CAMK2B: variants seen among roughly 807,000 people sequenced by gnomAD.
The protein encoded by CAMK2B is calcium/calmodulin dependent protein kinase II beta.
CAMK2B carries 27 observed loss-of-function variants against 93.7 expected under a neutral mutation model. The observed-to-expected ratio is 0.29, with a 90% CI of 0.21 to 0.40. The LOEUF (loss-of-function observed/expected upper bound fraction) is 0.40, where lower values mean the gene tolerates loss of function less well. Ranked by LOEUF, CAMK2B falls within the 10% of genes least tolerant of loss-of-function variation. The pLI is 1.00. For missense variants in CAMK2B, 568 were observed against 895.8 expected, an observed-to-expected ratio of 0.63 and a Z score of 4.67; for synonymous variants, 374 against 358.8, an observed-to-expected ratio of 1.04 and a Z score of -0.48.
chr7:44,275,041 T>C (rs910051852), intron 2 of CAMK2B, among the ~76,000 whole-genome samples: 4 of 152,118 alleles, frequency 2.6e-5, no homozygotes, highest in Admixed American at 6.5e-5. Context: ...CCGGGAGCCT[T>C]TTCTGCCACT....
rs143996067 is a variant in CAMK2B at position 44,289,419 on chromosome 7, C to T, written c.66-5194G>A. The stretch of plus-strand genomic sequence containing the variant: ...GACCACACAACAGCCCCTCTAGGGC[C>T]CTCTCATGCCTCACCTTCACTGGTG... On this transcript the variant is annotated intron_variant, in intron 1 of 23. Coordinates refer to ENST00000395749, the MANE Select transcript of CAMK2B (RefSeq NM_001220.5). Among the ~76,000 whole-genome samples the T allele has an allele frequency of 3.8e-4, 58 of 152,352 alleles. No homozygotes were observed. The East Asian group carries it at 9.8e-3, about 26-fold the overall frequency.
intron 2 of CAMK2B, among the ~76,000 whole-genome samples, chr7:44,272,306 T>C (rs1482190323): frequency 3.3e-5 from 5 of 151,922 alleles, no homozygotes; most frequent in Non-Finnish European, 5.9e-5. Context: ...CCAGAAAAGG[T>C]GAGGTGGTGT....
In CAMK2B at chr7:44,224,177, C is replaced by T. The variant is rs140158710; in HGVS notation, c.1597+2339G>A. Among the ~76,000 whole-genome samples, 304 of 152,282 alleles carry T rather than the reference C, an allele frequency of 2.0e-3. No homozygotes were observed. The highest frequency in any genetic ancestry group is 6.6e-3 in the African/African-American group (275 of 41,550). ...CGTGCTGAAGTACGGGAAGCAGGTCCGTTGTGAGACCCACCCACCCATTCC... is the reference window on the plus strand; with the variant it reads ...CGTGCTGAAGTACGGGAAGCAGGTCTGTTGTGAGACCCACCCACCCATTCC... On this transcript the variant is annotated intron_variant, in intron 20 of 23. Transcript: ENST00000395749. The surrounding 1 kb of genome is among the most constrained non-coding windows in gnomAD (Gnocchi z 4.4).
At chr7:44,220,930 T>G in intron 20 of CAMK2B, 29 bp from the exon 21 acceptor site, 1 of 1,543,590 alleles carries the variant, frequency 6.5e-7, no homozygotes, top group Non-Finnish European at 8.8e-7. Context: ...AGGTGACCAC[T>G]GGGCGCTGGC....
Position 44,312,197 on chromosome 7 carries a change from C to T in CAMK2B, c.65+13160G>A, listed in dbSNP as rs1482847055. ...CACTCCAGAGCCTCCATCCTTGGTG[C>T]CAGAAAGTGGAGGTGAGTGGAATTT... On this transcript the variant is annotated intron_variant, in intron 1 of 23. Transcript: ENST00000395749. The surrounding 1 kb of genome is among the most constrained non-coding windows in gnomAD (Gnocchi z 4.1). Among the ~76,000 whole-genome samples the T allele has an allele frequency of 1.3e-5, 2 of 152,162 alleles. No individual in the cohort carries two copies. Among genetic ancestry groups the T allele is most frequent in the African/African-American group, 4.8e-5 (2 of 41,426 alleles).
Position 44,315,329 on chromosome 7 carries a change from G to A in CAMK2B, c.65+10028C>T, listed in dbSNP as rs144254673. Among the ~76,000 whole-genome samples the A allele has an allele frequency of 5.9e-5, 9 of 152,212 alleles. No individual in the cohort carries two copies. The East Asian group carries it at 1.2e-3, about 20-fold the overall frequency. ...CAATTGTCCATTTGTTGAATGGACC[G>A]TTATTCTTCTCCACTGGAATTGTCT... On this transcript the variant is annotated intron_variant, in intron 1 of 23. Transcript: ENST00000395749.
intron 2 of CAMK2B, among the ~76,000 whole-genome samples, chr7:44,283,668 C>T (rs764533565): frequency 3.3e-5 from 5 of 152,226 alleles, no homozygotes; most frequent in Admixed American, 6.5e-5. Context: ...CAGCACTGCC[C>T]GGTCACCTGA....
intron 2 of CAMK2B, among the ~76,000 whole-genome samples, chr7:44,277,196 TAAC>T (rs1032328675): frequency 1.1e-4 from 16 of 152,180 alleles, no homozygotes; most frequent in East Asian, 5.8e-4. Context: ...AGGGGGTAGA[TAAC>T]AACAAGACAT....
At chr7:44,269,582 G>T (rs1162097191) in intron 2 of CAMK2B, among the ~76,000 whole-genome samples, 2 of 152,070 alleles carry the variant, frequency 1.3e-5, no homozygotes, top group African/African-American at 4.8e-5. Context: ...GAGGAACCAG[G>T]GATAAGGGGA....
intron 2 of CAMK2B, among the ~76,000 whole-genome samples, chr7:44,276,303 G>A (rs956216374): frequency 1.3e-5 from 2 of 152,142 alleles, no homozygotes; most frequent in African/African-American, 2.4e-5. Context: ...ACCCAGTTCC[G>A]CGGATTCTGC....
Position 44,288,721 on chromosome 7 carries a change from G to C in CAMK2B, c.66-4496C>G, listed in dbSNP as rs79601339. ...ATTTACAGTGGGATCAACAGTACCA[G>C]GGAAACCTGTCCTGAGAGAGAAGGG... On this transcript the variant is annotated intron_variant, in intron 1 of 23. Coordinates refer to ENST00000395749, the MANE Select transcript of CAMK2B (RefSeq NM_001220.5). 4.5e-3 allele frequency among the ~76,000 whole-genome samples: 689 copies of C among 152,296 alleles called. 1 individual carries two copies. Among genetic ancestry groups the C allele is most frequent in the Non-Finnish European group, 7.4e-3 (501 of 68,014 alleles).
rs891793098 is a variant in CAMK2B, at chr7:44,271,161, C to T, written c.161-8097G>A. 2.0e-5 allele frequency among the ~76,000 whole-genome samples: 3 copies of T among 152,140 alleles called. No individual in the cohort carries two copies. Among genetic ancestry groups the T allele is most frequent in the African/African-American group, 4.8e-5 (2 of 41,416 alleles). On this transcript the variant is annotated intron_variant, in intron 2 of 23. Coordinates refer to ENST00000395749, the MANE Select transcript of CAMK2B (RefSeq NM_001220.5). The surrounding 1 kb of genome is among the most constrained non-coding windows in gnomAD (Gnocchi z 4.2). Reference sequence around the variant, plus strand: ...CTTGAACTCCTGACCTCAGTTGATCCGCCCACCTCAGCCTCCCAAAGTGCT... The same window carrying T: ...CTTGAACTCCTGACCTCAGTTGATCTGCCCACCTCAGCCTCCCAAAGTGCT...
intron 15 of CAMK2B, among the ~76,000 whole-genome samples, chr7:44,233,696 G>A (rs1253610532): frequency 6.6e-6 from 1 of 152,180 alleles, no homozygotes; most frequent in Admixed American, 6.5e-5. Flanking sequence ...TCACCTGTAG[G>A]AGCCCCCAGG....
At chr7:44,247,941 A>T (rs929529947) in intron 5 of CAMK2B, among the ~76,000 whole-genome samples, 9 of 152,188 alleles carry the variant, frequency 5.9e-5, no homozygotes, top group Non-Finnish European at 1.2e-4. Context: ...GGAAGGGAGA[A>T]TTGCTTGAAC....
chr7:44,221,842 C>T (rs79453369), intron 20 of CAMK2B, among the ~76,000 whole-genome samples: 26 of 152,314 alleles, frequency 1.7e-4, no homozygotes, highest in African/African-American at 5.1e-4. Context: ...AGATTTTAAA[C>T]GTATGGAAGA....
intron 13 of CAMK2B, among the ~76,000 whole-genome samples, chr7:44,238,617 G>T (rs1389717929): frequency 1.3e-5 from 2 of 152,202 alleles, no homozygotes; most frequent in African/African-American, 4.8e-5. Context: ...GGAAGGCCAG[G>T]CTGCTCACCC....
intron 20 of CAMK2B, among the ~76,000 whole-genome samples, chr7:44,223,988 A>T (rs1284262104): frequency 6.6e-6 from 1 of 152,244 alleles, no homozygotes; most frequent in Non-Finnish European, 1.5e-5. Context: ...TTGGTTCTAT[A>T]GTCACCTTAC....
intron 1 of CAMK2B, among the ~76,000 whole-genome samples, chr7:44,302,986 T>C (rs1273282052): frequency 6.6e-6 from 1 of 152,154 alleles, no homozygotes; most frequent in Non-Finnish European, 1.5e-5. Context: ...TCATAAATGA[T>C]ATGCCTATAT....
chr7:44,256,902 T>C (rs2129018671), intron 4 of CAMK2B, among the ~76,000 whole-genome samples: 1 of 152,300 alleles, frequency 6.6e-6, no homozygotes, highest in Admixed American at 6.5e-5. Flanking sequence ...CGTTGGTTGC[T>C]GTGGGGAGTT....
Sources: gnomAD v4.1 joint callset for allele counts (sites outside exome capture counted in the v4.1 genomes callset) on GRCh38, gnomAD v4.1.1 for gene constraint, Gnocchi (gnomAD v3.1) non-coding constraint, MANE v1.5 for transcripts, NCBI Gene and HGNC (gene_info 2026-07-23, HGNC 2026-07-21) for gene names.